The following CFAP65 variants were observed in gnomAD, a reference collection of about 807,000 sequenced individuals.
The protein encoded by CFAP65 is cilia- and flagella-associated protein 65.
CFAP65 carries 155 observed loss-of-function variants against 208.0 expected under a neutral mutation model. The observed-to-expected ratio is 0.75, with a 90% CI of 0.65 to 0.85. The LOEUF (loss-of-function observed/expected upper bound fraction) is 0.85. Ranked by LOEUF, CFAP65 falls within the 40% of genes least tolerant of loss-of-function variation. The pLI is 0.00. For missense variants in CFAP65, 2,294 were observed against 2,451.3 expected (o/e 0.94, Z 1.36); for synonymous variants, 970 against 986.3 (o/e 0.98, Z 0.31).
intron 2 of CFAP65, among the ~76,000 whole-genome samples, chr2:219,040,157 T>G (rs1948584865): frequency 6.6e-6 from 1 of 152,140 alleles, no homozygotes; most frequent in African/African-American, 2.4e-5. Flanking sequence ...TACAGGTATT[T>G]TAATTCTTAC....
chr2:219,028,451 AG>A, intron 11 of CFAP65, 50 bp from the exon 12 acceptor site: 3 of 832,412 alleles, frequency 3.6e-6, no homozygotes, highest in African/African-American at 1.8e-5. Flanking sequence ...TGGTAGGGCA[AG>A]GGGGGTGCTG....
chr2:219,009,644 G>GGTTT, intron 27 of CFAP65, among the ~76,000 whole-genome samples, 184 bp from the exon 28 acceptor site: 1 of 123,552 alleles, frequency 8.1e-6, no homozygotes, highest in Non-Finnish European at 1.7e-5. Flanking sequence ...GATGGGATGG[G>GGTTT]ATGGGATGGG....
In CFAP65 at chr2:219,006,233, GGGAGGGACAT is replaced by G; in HGVS notation, c.4720-20_4720-11del. The G allele has an allele frequency of 6.2e-7, 1 of 1,602,670 alleles. No individual in the cohort carries two copies. The highest frequency in any genetic ancestry group is 8.5e-7 in the Non-Finnish European group (1 of 1,172,308). ...TGATGGGAGGCAGTGTCTTTGGGAA[GGGAGGGACAT>G]GGATGACAAGGGTTTGGGCACCACA... On this transcript the variant is annotated splice_polypyrimidine_tract_variant and intron_variant, in intron 30 of 34. Coordinates refer to ENST00000341552, the MANE Select transcript of CFAP65 (RefSeq NM_194302.4).
rs1163939831 is a variant in CFAP65 at position 219,038,941 on chromosome 2, G to C, written c.108C>G (p.Gly36=). ...SFPLIPLLLR[G]KSVQKKQAES... is the part of the protein sequence containing the mutation. ...CTGCTTGTTTCTTCTGAACACTCTT[G>C]CCTCTTAGGAGAAGAGGAATAAGGG... Residue 36 remains glycine, a synonymous_variant, in exon 3 of 35, where the codon GGC becomes GGG. Coordinates refer to ENST00000341552, the MANE Select transcript of CFAP65 (RefSeq NM_194302.4). 1 of 1,613,552 alleles carries C rather than the reference G, an allele frequency of 6.2e-7. No individual in the cohort carries two copies. Among genetic ancestry groups the C allele is most frequent in the Non-Finnish European group, 8.5e-7 (1 of 1,179,758 alleles).
chr2:219,038,325 C>T (rs765196460), intron 4 of CFAP65, 50 bp downstream of exon 4: 7 of 1,571,966 alleles, frequency 4.5e-6, no homozygotes, highest in Non-Finnish European at 5.2e-6. Flanking sequence ...ACCCATGCCC[C>T]GCCCTGGCCC....
At chr2:219,025,601 C>T (rs1947576201) in intron 14 of CFAP65, among the ~76,000 whole-genome samples, 3 of 152,154 alleles carry the variant, frequency 2.0e-5, no homozygotes, top group Admixed American at 2.0e-4. Context: ...ATGGGGCTGG[C>T]TCTGCCTCTC....
chr2:219,006,085 C>G lies in CFAP65; in HGVS notation c.4858G>C (p.Ala1620Pro). 1 of 1,613,542 alleles carries G rather than the reference C, an allele frequency of 6.2e-7. No homozygotes were observed. Among genetic ancestry groups the G allele is most frequent in the Non-Finnish European group, 8.5e-7 (1 of 1,180,020 alleles). Reference sequence around the variant, plus strand: ...GCCAGAAAGTAGTCGGTGGCATGGGCTCGGGCAGTAAGGCCCAGGCAGAGC... The same window carrying G: ...GCCAGAAAGTAGTCGGTGGCATGGGGTCGGGCAGTAAGGCCCAGGCAGAGC... ...GMLCLGLTAR[A>P]HATDYFLANF... Residue 1620 changes from alanine (A) to proline (P), a missense_variant, in exon 31 of 35, where the codon GCC becomes CCC. Physicochemically the swap from Ala to Pro is conservative, Grantham distance 27. Coordinates refer to ENST00000341552, the MANE Select transcript of CFAP65 (RefSeq NM_194302.4).
At position 219,009,451 on chromosome 2, in the gene CFAP65, T is replaced by C; in HGVS notation, c.4462A>G (p.Ser1488Gly). ...SPLDFGEVSV[S>G]PMIGVVAPEE... ...GGAGCCACCACCCCTATCATGGGAC[T>C]CACAGACACCTGTTGATTTGGGGAA... The change falls in exon 28 of 35, where the codon AGT becomes GGT. Residue 1488 changes from serine to glycine, a missense_variant. Physicochemically the swap from Ser to Gly is moderately conservative, Grantham distance 56. Around this residue, in one of 2 missense-constraint regions of CFAP65, gnomAD observed 1,427 missense variants for 1,438.7 expected, o/e 0.99. Transcript: ENST00000341552. 1 of 1,610,636 alleles carries C rather than the reference T, an allele frequency of 6.2e-7. No individual in the cohort carries two copies.
At chr2:219,008,995 TA>T in intron 29 of CFAP65, 51 bp downstream of exon 29, 1 of 1,499,504 alleles carries the variant, frequency 6.7e-7, no homozygotes, top group Non-Finnish European at 9.3e-7. Flanking sequence ...TCCCCTCTGG[TA>T]AGGCCAGTCA....
chr2:219,033,938 C>A, intron 5 of CFAP65: 1 of 151,948 alleles, frequency 6.6e-6, no homozygotes, highest in Non-Finnish European at 1.5e-5. Flanking sequence ...AACATAATAC[C>A]TATATAAAAA....
At chr2:219,010,337 G>C (rs549688549) in intron 26 of CFAP65, among the ~76,000 whole-genome samples, 1 of 152,110 alleles carries the variant, frequency 6.6e-6, no homozygotes. Context: ...GAACACCTGT[G>C]GGCACTAGGT....
rs764787775 is a variant in CFAP65, at chr2:219,027,654, T to C, written c.2207A>G (p.Tyr736Cys). ...YTVELEAFAIYKVLQSYSNIE... is the reference protein window; with the variant it reads ...YTVELEAFAICKVLQSYSNIE... ...CCTCTCATTGCGTGCACACACCTTA[T>C]AGATGGCGAAGGCTTCGAGCTCCAC... Residue 736 changes from tyrosine to cysteine, a missense_variant, in exon 13 of 35, where the codon TAT (tyrosine) becomes TGT (cysteine). Physicochemically the swap from Tyr to Cys is radical, Grantham distance 194. Around this residue, in one of 2 missense-constraint regions of CFAP65, gnomAD observed 867 missense variants for 1,012.6 expected, o/e 0.86. Coordinates refer to ENST00000341552, the MANE Select transcript of CFAP65 (RefSeq NM_194302.4). 1.2e-6 allele frequency: 2 copies of C among 1,613,764 alleles called. No homozygotes were observed. Among genetic ancestry groups the C allele is most frequent in the Non-Finnish European group, 1.7e-6 (2 of 1,180,004 alleles).
At chr2:219,011,217 CTTATT>C (rs1946454180) in intron 24 of CFAP65, among the ~76,000 whole-genome samples, 1 of 146,674 alleles carries the variant, frequency 6.8e-6, no homozygotes, top group Non-Finnish European at 1.5e-5. Context: ...AAAGGAGTAG[CTTATT>C]TTATTTGTCT....
intron 27 of CFAP65, among the ~76,000 whole-genome samples, 197 bp from the exon 28 acceptor site, chr2:219,009,657 AGG>A (rs1946305101): frequency 3.0e-5 from 1 of 33,390 alleles, no homozygotes; most frequent in African/African-American, 2.1e-4. Context: ...GGGATGGGAT[AGG>A]ATGGGGTGGG....
intron 29 of CFAP65, among the ~76,000 whole-genome samples, chr2:219,007,547 C>G (rs1392626405): frequency 6.6e-6 from 1 of 152,054 alleles, no homozygotes; most frequent in Non-Finnish European, 1.5e-5. Flanking sequence ...TCTGGGGGTT[C>G]AGTGTGGCAG....
At position 219,028,381 on chromosome 2, in the gene CFAP65, C is replaced by G. The variant is rs779460329; in HGVS notation, c.1671G>C (p.Leu557=). ...TGCTGTCCGAGTGGCAGGTCCCCAT[C>G]AGGTCCAGGAACAGTGGGTCCTGTG... ...IHHQDPLFLD[L]MGTCHSDSTK... The change falls in exon 12 of 35, where the codon CTG becomes CTC. Residue 557 remains leucine, a synonymous_variant. Transcript: ENST00000341552. The G allele has an allele frequency of 2.5e-6, 4 of 1,612,434 alleles. No individual in the cohort carries two copies. The highest frequency in any genetic ancestry group is 3.4e-6 in the Non-Finnish European group (4 of 1,179,834).
chr2:219,009,912 T>G, intron 27 of CFAP65, 30 bp downstream of exon 27: 2 of 1,586,084 alleles, frequency 1.3e-6, no homozygotes, highest in Non-Finnish European at 1.7e-6. Flanking sequence ...GGAGCTCTGA[T>G]GGAGGTTCCA....
At chr2:219,038,633 G>A in intron 3 of CFAP65, 55 bp from the exon 4 acceptor site, 1 of 1,482,486 alleles carries the variant, frequency 6.7e-7, no homozygotes, top group Non-Finnish European at 9.3e-7. Flanking sequence ...AAGAGAGGCT[G>A]AGGGAGGAGA....
In CFAP65 at chr2:219,013,954, G is replaced by A. The variant is rs57772693; in HGVS notation, c.3693C>T (p.Arg1231=). The A allele has an allele frequency of 1.0e-3, 1,647 of 1,613,610 alleles. 24 individuals are homozygous for A. In the African/African-American group the frequency reaches 0.02, roughly 19 times the overall value. Residue 1231 remains arginine (R), a synonymous_variant, in exon 22 of 35, where the codon CGC becomes CGT. Coordinates refer to ENST00000341552, the MANE Select transcript of CFAP65 (RefSeq NM_194302.4). ...TGGAGAAGAGGCAATTGTCCTGCAC[G>A]CGCATCTGGTGGAGCTCAGTGGAAT... ...ELNSTELHQM[R]VQDNCLFSIS...
Sources: gnomAD v4.1 joint callset for allele counts (sites outside exome capture counted in the v4.1 genomes callset) on GRCh38, gnomAD v4.1.1 for gene constraint, gnomAD v4.1.1 regional missense constraint, MANE v1.5 for transcripts, NCBI Gene and HGNC (gene_info 2026-07-23, HGNC 2026-07-21) for gene names.